Variants in KDM6B observed in about 807,000 individuals in gnomAD.
KDM6B encodes lysine demethylase 6B, also known as lysine-specific demethylase 6B.
KDM6B carries 22 observed loss-of-function variants against 150.4 expected under a neutral mutation model. The ratio of observed to expected loss-of-function variants is 0.15; its 90% CI spans 0.10 to 0.21. KDM6B has a LOEUF of 0.21. KDM6B is among the 10% of genes least tolerant of loss of function. The probability of loss-of-function intolerance (pLI) is 1.00; values close to 1 mark genes in which losing one functional copy is unlikely to be tolerated. For synonymous variants in KDM6B, 1,148 were observed against 921.1 expected (o/e 1.25, Z -4.46); for missense variants, 1,984 against 2,234.3 (o/e 0.89, Z 2.26).
rs1260436404 is a variant in KDM6B, at chr17:7,853,206, C to T, written c.4738-4C>T. 1.2e-6 allele frequency: 2 copies of T among 1,613,322 alleles called. No homozygotes were observed. The highest frequency in any genetic ancestry group is 1.7e-6 in the Non-Finnish European group (2 of 1,179,750). ...CCCTGACTGCACTGTCCTCCCTGCC[C>T]CAGGTGGAGGTGTTTAACATCCTGT... On this transcript the variant is annotated splice_region_variant and splice_polypyrimidine_tract_variant and intron_variant, in intron 22 of 23. Transcript: ENST00000448097.
At chr17:7,845,197 A>G (rs1000647606) in intron 3 of KDM6B, 117 bp from the exon 4 acceptor site, 1 of 402,042 alleles carries the variant, frequency 2.5e-6, no homozygotes, top group South Asian at 2.2e-5. Flanking sequence ...GGGGAAAGCT[A>G]AGGCCGGGCC....
chr17:7,842,193 G>A (rs1163592056), intron 2 of KDM6B, among the ~76,000 whole-genome samples: 1 of 152,216 alleles, frequency 6.6e-6, no homozygotes, highest in Non-Finnish European at 1.5e-5. Context: ...TGTGATTGAT[G>A]GAGTGTTCTC....
rs1335034906 is a variant in KDM6B, at chr17:7,852,018, C to T, written c.4233C>T (p.Phe1411=). The T allele has an allele frequency of 6.2e-7, 1 of 1,613,988 alleles. No individual in the cohort carries two copies. Among genetic ancestry groups the T allele is most frequent in the Non-Finnish European group, 8.5e-7 (1 of 1,180,042 alleles). ...INIGPGDCEW[F]AVHEHYWETI... is the part of the protein sequence containing the mutation. ...TTGGCCCAGGCGACTGCGAGTGGTT[C>T]GCGGTGCACGAGCACTACTGGGAGA... Residue 1411 remains phenylalanine (F), a synonymous_variant, in exon 19 of 24, where the codon TTC becomes TTT. Coordinates refer to ENST00000448097, the MANE Select transcript of KDM6B (RefSeq NM_001348716.2).
At position 7,843,984 on chromosome 17, in the gene KDM6B, G is replaced by T. The variant is rs2078474418; in HGVS notation, c.-268-917G>T. 1.3e-5 allele frequency among the ~76,000 whole-genome samples: 2 copies of T among 152,104 alleles called. No homozygotes were observed. Among genetic ancestry groups the T allele is most frequent in the South Asian group, 4.1e-4 (2 of 4,828 alleles). ...GTGAAACGAGTTCTGGGTTCTTTAA[G>T]GGAGTGGGTGGTGAGAGTGGGACAA... On this transcript the variant is annotated intron_variant, in intron 2 of 23. Coordinates refer to ENST00000448097, the MANE Select transcript of KDM6B (RefSeq NM_001348716.2). This position sits in a 1 kb window ranked among gnomAD's most constrained non-coding sequence, Gnocchi z 4.5.
intron 20 of KDM6B, 45 bp from the exon 21 acceptor site, chr17:7,852,449 CT>C (rs1555594983): frequency 3.2e-6 from 5 of 1,561,658 alleles, no homozygotes; most frequent in Non-Finnish European, 4.3e-6. Flanking sequence ...GCCTAGGTGT[CT>C]GGGGGCTGTT....
chr17:7,852,469 C>T lies in KDM6B; in HGVS notation c.4469-26C>T, dbSNP rs375886003. 1.6e-4 allele frequency: 264 copies of T among 1,613,476 alleles called. 1 individual carries two copies. In the African/African-American group the frequency reaches 2.4e-3, roughly 14 times the overall value. ...GGTGTCTGGGGGCTGTTTGAGAGTC[C>T]TGTTGTGATCGCCTTTGGCCCGCAG... On this transcript the variant is annotated intron_variant, in intron 20 of 23. Transcript: ENST00000448097.
chr17:7,836,528 C>T (rs1338415594), intron 1 of KDM6B, among the ~76,000 whole-genome samples: 2 of 151,910 alleles, frequency 1.3e-5, no homozygotes, highest in African/African-American at 4.8e-5. Flanking sequence ...GGACCCGGTG[C>T]CCCCGTCCCC....
Position 7,847,446 on chromosome 17 carries a change from A to C in KDM6B, c.1251A>C (p.Pro417=), listed in dbSNP as rs1487150009. The C allele has an allele frequency of 6.2e-7, 1 of 1,613,536 alleles. No individual in the cohort carries two copies. The highest frequency in any genetic ancestry group is 1.7e-5 in the Admixed American group (1 of 59,996). ...NTGLRGVEPN[P]GIPGADHYQT... is the part of the protein sequence containing the mutation. ...GTCTCCGGGGCGTGGAGCCGAACCC[A>C]GGCATTGTGAGTGACAACTGAGGGT... Residue 417 remains proline, a synonymous_variant, in exon 11 of 24, where the codon CCA becomes CCC. Transcript: ENST00000448097.
chr17:7,847,637 T>C lies in KDM6B; in HGVS notation c.1349T>C (p.Leu450Ser). ...PSAHSSRKPF[L>S]GAPAATPHLS... Reference sequence around the variant, plus strand: ...GCACACAGCAGTCGGAAACCGTTCTTGGGGGCTCCCGCTGCCACTCCCCAC... The same window carrying C: ...GCACACAGCAGTCGGAAACCGTTCTCGGGGGCTCCCGCTGCCACTCCCCAC... The change falls in exon 12 of 24, where the codon TTG (leucine) becomes TCG (serine). Residue 450 changes from leucine (L) to serine (S), a missense_variant. Around this residue, in one of 13 missense-constraint regions of KDM6B, gnomAD observed 1,379 missense variants for 1,275.6 expected, o/e 1.08. Transcript: ENST00000448097. 6.2e-7 allele frequency: 1 copy of C among 1,611,034 alleles called. No individual in the cohort carries two copies. The highest frequency in any genetic ancestry group is 8.5e-7 in the Non-Finnish European group (1 of 1,179,406).
In KDM6B at chr17:7,853,366, G is replaced by A; in HGVS notation, c.4894G>A (p.Asp1632Asn). The A allele has an allele frequency of 6.4e-7, 1 of 1,554,778 alleles. No individual in the cohort carries two copies. The highest frequency in any genetic ancestry group is 8.7e-7 in the Non-Finnish European group (1 of 1,153,724). Residue 1632 changes from aspartate to asparagine, a missense_variant, in exon 23 of 24, where the codon GAC becomes AAC. By Grantham distance (23) the Asp-to-Asn change is conservative (BLOSUM62 1). Coordinates refer to ENST00000448097, the MANE Select transcript of KDM6B (RefSeq NM_001348716.2). ...YRTEELAQAYDAFTLAPASTS... is the reference protein window; with the variant it reads ...YRTEELAQAYNAFTLAPASTS... ...CACTGAGGAGCTGGCTCAGGCCTAC[G>A]ACGCCTTCACGCTGGTGAGGGCCCG...
Position 7,846,721 on chromosome 17 carries a change from G to C in KDM6B, c.692G>C (p.Arg231Thr). The C allele has an allele frequency of 6.2e-7, 1 of 1,614,126 alleles. No homozygotes were observed. Among genetic ancestry groups the C allele is most frequent in the Non-Finnish European group, 8.5e-7 (1 of 1,179,988 alleles). Residue 231 changes from arginine (R) to threonine (T), a missense_variant, in exon 9 of 24, where the codon AGA becomes ACA. This residue lies in a region of KDM6B where 337 missense variants were observed against 323.9 expected (regional missense o/e 1.04). Transcript: ENST00000448097. ...CTCAGCCCTGGAGGCAAGCGAAGGA[G>C]AGGCTGCAACTCTGAACAGGTGTGG... Reference protein sequence around the residue: ...EGLSPGGKRRRGCNSEQTGLP... With the variant: ...EGLSPGGKRRTGCNSEQTGLP...
intron 1 of KDM6B, among the ~76,000 whole-genome samples, chr17:7,835,610 C>T (rs1315430097): frequency 6.6e-6 from 1 of 152,020 alleles, no homozygotes; most frequent in Non-Finnish European, 1.5e-5. Flanking sequence ...AGCGGTCGGC[C>T]CTGACGTCAG....
In KDM6B at chr17:7,853,273, CA is replaced by C. The variant is rs2078739890; in HGVS notation, c.4802del (p.His1601ProfsTer69). On this transcript the variant is annotated frameshift_variant, in exon 23 of 24. Transcript: ENST00000448097. LOFTEE classifies it high-confidence loss of function. ...TGGCAGCCGCAACACGTACCTGGTA[CA>C]CTGCGAGGGCTGTGCCCGGCGCCGC... ...ENGSRNTYLVHCEGCARRRSA... is the reference protein window; with the variant it reads ...ENGSRNTYLVXCEGCARRRSA... 1 of 1,609,286 alleles carries C rather than the reference CA, an allele frequency of 6.2e-7. No individual in the cohort carries two copies. Among genetic ancestry groups the C allele is most frequent in the African/African-American group, 1.3e-5 (1 of 74,870 alleles).
Position 7,851,842 on chromosome 17 carries a change from G to C in KDM6B, c.4165+46G>C, listed in dbSNP as rs772966508. 5.1e-6 allele frequency: 8 copies of C among 1,563,132 alleles called. 1 individual carries two copies. The highest frequency in any genetic ancestry group is 6.9e-6 in the Non-Finnish European group (8 of 1,154,116). On this transcript the variant is annotated intron_variant, in intron 18 of 23. Transcript: ENST00000448097. ...CGCTGATGCTGGAAGCGCGAGAGGA[G>C]GGGCTGGCGGCGGCGCTCAGCCGTC...
chr17:7,839,476 A>G (rs1396502039), intron 1 of KDM6B, among the ~76,000 whole-genome samples: 1 of 151,998 alleles, frequency 6.6e-6, no homozygotes, highest in African/African-American at 2.4e-5. Flanking sequence ...CAGAGTCCAG[A>G]GGGTGGGGTT....
intron 1 of KDM6B, among the ~76,000 whole-genome samples, chr17:7,838,967 G>C (rs2078375212): frequency 6.6e-6 from 1 of 151,944 alleles, no homozygotes; most frequent in Admixed American, 6.6e-5. Context: ...GGAGACTGGG[G>C]GCTAGAGGCC....
chr17:7,853,159 T>G, intron 22 of KDM6B, 33 bp downstream of exon 22: 1 of 1,614,034 alleles, frequency 6.2e-7, no homozygotes, highest in Non-Finnish European at 8.5e-7. Flanking sequence ...TCTCCCTGAG[T>G]GTCCACAGTG....
chr17:7,845,705 G>C lies in KDM6B; in HGVS notation c.137+14G>C, dbSNP rs767306111. 6.8e-6 allele frequency: 11 copies of C among 1,614,064 alleles called. 1 individual carries two copies. The South Asian group carries it at 1.2e-4, about 18-fold the overall frequency. ...GCCTGGAGGCAGGTGAGAAGTTGGG[G>C]CCCTCTGTCTCCAGGCACACCTCTT... On this transcript the variant is annotated intron_variant, in intron 5 of 23. Transcript: ENST00000448097.
chr17:7,848,778 G>A lies in KDM6B; in HGVS notation c.2490G>A (p.Gly830=), dbSNP rs1299005398. Residue 830 remains glycine, a synonymous_variant, in exon 12 of 24, where the codon GGG becomes GGA. Coordinates refer to ENST00000448097, the MANE Select transcript of KDM6B (RefSeq NM_001348716.2). ...GTGAAVSTRP[G]PLPTTQYSPG... ...GAGCAGCTGTTTCCACCCGGCCTGG[G>A]CCCTTGCCCACCACTCAGTATTCCC... The A allele has an allele frequency of 6.2e-7, 1 of 1,612,824 alleles. No individual in the cohort carries two copies. The highest frequency in any genetic ancestry group is 8.5e-7 in the Non-Finnish European group (1 of 1,179,992).
Sources: gnomAD v4.1 joint callset for allele counts (sites outside exome capture counted in the v4.1 genomes callset) on GRCh38, gnomAD v4.1.1 for gene constraint, gnomAD v4.1.1 regional missense constraint, Gnocchi (gnomAD v3.1) non-coding constraint, MANE v1.5 for transcripts, NCBI Gene and HGNC (gene_info 2026-07-23, HGNC 2026-07-21) for gene names.